Variants in CCDC9B observed in about 807,000 individuals in gnomAD.
The protein encoded by CCDC9B is coiled-coil domain-containing protein 9B.
Under a neutral mutation model 47.2 loss-of-function variants are expected in CCDC9B, and 40 were observed. The ratio of observed to expected loss-of-function variants is 0.85; its 90% CI spans 0.66 to 1.10. The LOEUF (loss-of-function observed/expected upper bound fraction) is 1.10, where lower values mean the gene tolerates loss of function less well. CCDC9B is among the 50% of genes least tolerant of loss of function. The probability of loss-of-function intolerance (pLI) is 0.00; values close to 1 mark genes in which losing one functional copy is unlikely to be tolerated. For missense variants in CCDC9B, 662 were observed against 651.0 expected (o/e 1.02, Z -0.18); for synonymous variants, 238 against 250.7 (o/e 0.95, Z 0.48).
In CCDC9B at chr15:40,337,904, A is replaced by G. The variant is rs757933492; in HGVS notation, c.514-11T>C. The G allele has an allele frequency of 6.3e-6, 10 of 1,589,568 alleles. No homozygotes were observed. The highest frequency in any genetic ancestry group is 5.2e-5 in the Admixed American group (3 of 57,704). ...GGGCTCCCAAGAACCCTGTAGGGAG[A>G]AGACACTCAGAGTGAGGGGGAGAAG... On this transcript the variant is annotated splice_polypyrimidine_tract_variant and intron_variant, in intron 5 of 10. Coordinates refer to ENST00000397536, the MANE Select transcript of CCDC9B (RefSeq NM_207380.3).
In CCDC9B at chr15:40,337,391, T is replaced by C. The variant is rs146701708; in HGVS notation, c.739A>G (p.Arg247Gly). The change falls in exon 7 of 11, where the codon AGG becomes GGG. Residue 247 changes from arginine (R) to glycine (G), a missense_variant. Transcript: ENST00000397536. ...GATGAGGTAGGTGTGGGCTCACCCCTTCTGCTGCCTGCCCTGGCCGGGCCT... is the reference window on the plus strand; with the variant it reads ...GATGAGGTAGGTGTGGGCTCACCCCCTCTGCTGCCTGCCCTGGCCGGGCCT... ...GEGPARAGSR[R>G]GPRSHQKLQP... The C allele has an allele frequency of 1.0e-4, 163 of 1,611,762 alleles. No individual in the cohort carries two copies. The East Asian group carries it at 3.2e-3, about 31-fold the overall frequency.
chr15:40,338,945 C>CAGGACCTGGGTGCTGGGT (rs766276668), intron 3 of CCDC9B, 42 bp from the exon 4 acceptor site: 39 of 1,613,314 alleles, frequency 2.4e-5, no homozygotes, highest in Non-Finnish European at 2.9e-5. Flanking sequence ...CAGTGCTGGG[C>CAGGACCTGGGTGCTGGGT]AGGACCTGGG....
At chr15:40,336,886 C>T in intron 7 of CCDC9B, 73 bp from the exon 8 acceptor site, 7 of 1,452,778 alleles carry the variant, frequency 4.8e-6, no homozygotes, top group East Asian at 2.3e-5. Context: ...GTTCTTCCAG[C>T]CTCAGGAAGC....
In CCDC9B at chr15:40,340,121, A is replaced by G. The variant is rs1889058122; in HGVS notation, c.13-106T>C. 4 of 683,344 alleles carry G rather than the reference A, an allele frequency of 5.9e-6. No homozygotes were observed. In the Admixed American group the frequency reaches 1.1e-4, roughly 18 times the overall value. The allele number at this position is 683,344 out of a possible 1,614,324, so 42.3% of individuals were successfully genotyped here. A position where few individuals can be genotyped will look rare whatever the true frequency, so the allele number is the denominator to read the frequency against. On this transcript the variant is annotated intron_variant, in intron 1 of 10. Coordinates refer to ENST00000397536, the MANE Select transcript of CCDC9B (RefSeq NM_207380.3). ...AGGAAGAGATCCCAGACCCACAGCTAAGGTCACCCAGGAAGGAAGGGGATT... is the reference window on the plus strand; with the variant it reads ...AGGAAGAGATCCCAGACCCACAGCTGAGGTCACCCAGGAAGGAAGGGGATT...
At chr15:40,336,060 G>A in intron 9 of CCDC9B, 1 of 985,378 alleles carries the variant, frequency 1.0e-6, no homozygotes, top group Non-Finnish European at 1.2e-6. Context: ...CAGAGAGGAG[G>A]GGCCTCCACC....
intron 9 of CCDC9B, chr15:40,336,323 A>C (rs1447099792): frequency 1.0e-6 from 1 of 985,240 alleles, no homozygotes; most frequent in Non-Finnish European, 1.2e-6. Context: ...CCCCGCCTGC[A>C]ATGCCTGGGA....
At position 40,340,796 on chromosome 15, in the gene CCDC9B, A is replaced by G. The variant is rs756008299; in HGVS notation, c.12+12T>C. 1.9e-6 allele frequency: 3 copies of G among 1,604,588 alleles called. No individual in the cohort carries two copies. In the South Asian group the frequency reaches 3.3e-5, roughly 18 times the overall value. On this transcript the variant is annotated intron_variant, in intron 1 of 10. Coordinates refer to ENST00000397536, the MANE Select transcript of CCDC9B (RefSeq NM_207380.3). ...CCAAGAAGCCCCCTGCCAAAGGCAG[A>G]CTGCCACTCACAGCCGAGTGCATGG...
Position 40,333,799 on chromosome 15 carries a change from G to GGAGA in CCDC9B, c.*1358_*1359insTCTC. Reference sequence around the variant, plus strand: ...ACATTGGGCAGTGGAGAAATCCCAGGGTGATCTGGACTCTCCCTAGAGCCC... The same window carrying GGAGA: ...ACATTGGGCAGTGGAGAAATCCCAGGGAGAGTGATCTGGACTCTCCCTAGAGCCC... On this transcript the variant is annotated 3_prime_UTR_variant, in exon 11 of 11. Coordinates refer to ENST00000397536, the MANE Select transcript of CCDC9B (RefSeq NM_207380.3). 9.3e-6 allele frequency: 2 copies of GGAGA among 215,630 alleles called. No individual in the cohort carries two copies. The highest frequency in any genetic ancestry group is 1.6e-5 in the Non-Finnish European group (2 of 126,384). The allele number at this position is 215,630 out of a possible 1,614,324, so 13.4% of individuals were successfully genotyped here. A position where few individuals can be genotyped will look rare whatever the true frequency, so the allele number is the denominator to read the frequency against.
At chr15:40,339,070 T>G in intron 3 of CCDC9B, 167 bp from the exon 4 acceptor site, 1 of 798,960 alleles carries the variant, frequency 1.3e-6, no homozygotes, top group South Asian at 1.5e-5. Flanking sequence ...CATGAGGTTA[T>G]CCAGGGCCCA....
chr15:40,337,912 CAG>C lies in CCDC9B; in HGVS notation c.514-21_514-20del. 6.3e-7 allele frequency: 1 copy of C among 1,584,894 alleles called. No individual in the cohort carries two copies. Among genetic ancestry groups the C allele is most frequent in the Non-Finnish European group, 8.6e-7 (1 of 1,165,350 alleles). On this transcript the variant is annotated intron_variant, in intron 5 of 10. Transcript: ENST00000397536. ...AAGAACCCTGTAGGGAGAAGACACT[CAG>C]AGTGAGGGGGAGAAGCAGGAAGAGG...
Position 40,339,973 on chromosome 15 carries a change from C to T in CCDC9B, c.55G>A (p.Asp19Asn). Residue 19 changes from aspartate to asparagine, a missense_variant, in exon 2 of 11, where the codon GAC (aspartate) becomes AAC (asparagine). By Grantham distance (23) the Asp-to-Asn change is conservative. Coordinates refer to ENST00000397536, the MANE Select transcript of CCDC9B (RefSeq NM_207380.3). ...AESPMSRQEK[D>N]AELDRRIVAL... ...ACTATCCTCCGATCCAGCTCTGCGT[C>T]CTTCTCCTGCCTGCTCATGGGGGAC... 1 of 1,613,834 alleles carries T rather than the reference C, an allele frequency of 6.2e-7. No individual in the cohort carries two copies. The highest frequency in any genetic ancestry group is 8.5e-7 in the Non-Finnish European group (1 of 1,179,944).
chr15:40,333,710 AG>A lies in CCDC9B; in HGVS notation c.*1447del. ...AGATGCCCCTCACCTTCCTGAATAGAGGGGTGGGGTGGAGTTGAGAGCCAGT... is the reference window on the plus strand; with the variant it reads ...AGATGCCCCTCACCTTCCTGAATAGAGGGTGGGGTGGAGTTGAGAGCCAGT... On this transcript the variant is annotated 3_prime_UTR_variant, in exon 11 of 11. Coordinates refer to ENST00000397536, the MANE Select transcript of CCDC9B (RefSeq NM_207380.3). The A allele has an allele frequency of 1.5e-6, 1 of 666,348 alleles. No homozygotes were observed. 41.3% of individuals were successfully genotyped at this position (666,348 alleles called of 1,614,324 possible).
Position 40,340,839 on chromosome 15 carries a change from A to G in CCDC9B, c.-20T>C. 1 of 1,609,084 alleles carries G rather than the reference A, an allele frequency of 6.2e-7. No homozygotes were observed. Among genetic ancestry groups the G allele is most frequent in the Non-Finnish European group, 8.5e-7 (1 of 1,178,510 alleles). On this transcript the variant is annotated 5_prime_UTR_variant, in exon 1 of 11. Coordinates refer to ENST00000397536, the MANE Select transcript of CCDC9B (RefSeq NM_207380.3). ...GTGCATGGCAACGGCGGGCACCGAG[A>G]GAATTCCAGAGCAGCCCCTGGGGAG...
Position 40,336,679 on chromosome 15 carries a change from C to G in CCDC9B, c.797-15G>C, listed in dbSNP as rs200782061. 1.2e-6 allele frequency: 2 copies of G among 1,610,532 alleles called. No homozygotes were observed. The highest frequency in any genetic ancestry group is 1.3e-5 in the African/African-American group (1 of 74,828). On this transcript the variant is annotated splice_polypyrimidine_tract_variant and intron_variant, in intron 8 of 10. Transcript: ENST00000397536. ...CCCGCCCCGACCTGCAAGAGATGGTCGGCCAAGGAGAGAAGAGGCCCATAG... is the reference window on the plus strand; with the variant it reads ...CCCGCCCCGACCTGCAAGAGATGGTGGGCCAAGGAGAGAAGAGGCCCATAG...
At chr15:40,340,611 C>G in intron 1 of CCDC9B, 197 bp downstream of exon 1, 3 of 600,424 alleles carry the variant, frequency 5.0e-6, no homozygotes, top group Non-Finnish European at 2.9e-6. Flanking sequence ...CAGGAGTCAC[C>G]CTGGGCAAGC....
chr15:40,336,977 C>G, intron 7 of CCDC9B, 164 bp from the exon 8 acceptor site: 1 of 637,880 alleles, frequency 1.6e-6, no homozygotes, highest in Non-Finnish European at 2.7e-6. Context: ...GGGTCCTGTG[C>G]TAGCTTTGCC....
rs145243262 is a variant in CCDC9B, at chr15:40,335,302, G to C, written c.1329C>G (p.Pro443=). ...CAGACTTGCCAGACCTGTCTTCTCC[G>C]GGCTCTGGGAGCCCTGCTCCTCTCT... ...EPQRGAGLPE[P]GEDRSGKSGA... The change falls in exon 11 of 11, where the codon CCC becomes CCG. Residue 443 remains proline, a synonymous_variant. Coordinates refer to ENST00000397536, the MANE Select transcript of CCDC9B (RefSeq NM_207380.3). The C allele has an allele frequency of 3.7e-6, 6 of 1,613,126 alleles. No homozygotes were observed. The Admixed American group carries it at 5.0e-5, about 13-fold the overall frequency.
chr15:40,339,647 G>A (rs368354253), intron 2 of CCDC9B, 28 bp from the exon 3 acceptor site: 52 of 1,610,694 alleles, frequency 3.2e-5, no homozygotes, highest in Non-Finnish European at 4.2e-5. Context: ...GTCAGCACAC[G>A]CCATGGCCCC....
In CCDC9B at chr15:40,340,923, C is replaced by T. The variant is rs1349594720; in HGVS notation, c.-104G>A. ...CGGGCCTCTGCCGGCCTCTCCCTGC[C>T]GGCTTCGCTGCTCAGCACACGAGAT... On this transcript the variant is annotated 5_prime_UTR_variant, in exon 1 of 11. Transcript: ENST00000397536. 10 of 1,608,206 alleles carry T rather than the reference C, an allele frequency of 6.2e-6. No homozygotes were observed. In the Admixed American group the frequency reaches 1.0e-4, roughly 16 times the overall value.
Sources: allele counts gnomAD v4.1 joint callset, GRCh38; gene constraint gnomAD v4.1.1; transcripts MANE v1.5; gene names NCBI Gene and HGNC (gene_info 2026-07-23, HGNC 2026-07-21).